The following USH2A variants were observed in gnomAD, a reference collection of about 807,000 sequenced individuals.
USH2A encodes Usher syndrome 2A (autosomal recessive, mild).
A neutral mutation model predicts 538.9 loss-of-function variants in USH2A; 443 were observed. The ratio of observed to expected loss-of-function variants is 0.82; its 90% CI spans 0.76 to 0.89. USH2A has a LOEUF of 0.89. Ranked by LOEUF, USH2A falls within the 40% of genes least tolerant of loss-of-function variation. The pLI is 0.00. For synonymous variants in USH2A, 2,413 were observed against 2,273.5 expected, an observed-to-expected ratio of 1.06 and a Z score of -1.75; for missense variants, 6,633 against 6,324.8, an observed-to-expected ratio of 1.05 and a Z score of -1.65.
intron 21 of USH2A, among the ~76,000 whole-genome samples, chr1:216,163,762 T>C (rs115624643): frequency 0.012 from 1,897 of 151,910 alleles, 36 homozygotes; most frequent in African/African-American, 0.042. Flanking sequence ...GGACCCCACC[T>C]AGACTCTAAT....
chr1:216,070,392 C>A, intron 29 of USH2A, 100 bp from the exon 30 acceptor site: 3 of 1,077,358 alleles, frequency 2.8e-6, no homozygotes, highest in Non-Finnish European at 2.8e-6. Flanking sequence ...CAGACTCAAC[C>A]ATTAGCATAA....
chr1:216,088,897 A>G (rs2032213916), intron 23 of USH2A, 116 bp downstream of exon 23: 1 of 1,484,618 alleles, frequency 6.7e-7, no homozygotes. Context: ...ACAGCAATAT[A>G]TATGGAATTG....
intron 21 of USH2A, among the ~76,000 whole-genome samples, chr1:216,144,426 C>G (rs549081438): frequency 4.6e-5 from 7 of 151,670 alleles, no homozygotes; most frequent in Middle Eastern, 6.8e-3. Flanking sequence ...TTAAACAAAA[C>G]ACATTTCAGC....
chr1:215,858,173 A>G (rs1664221932), intron 44 of USH2A, among the ~76,000 whole-genome samples: 1 of 151,926 alleles, frequency 6.6e-6, no homozygotes, highest in Non-Finnish European at 1.5e-5. Context: ...GTATATTGGG[A>G]TATATTTTCT....
At chr1:215,912,312 T>C (rs1433643578) in intron 38 of USH2A, among the ~76,000 whole-genome samples, 1 of 152,102 alleles carries the variant, frequency 6.6e-6, no homozygotes, top group African/African-American at 2.4e-5. Flanking sequence ...TGTTTTCTTG[T>C]AGTAACTTGA....
At chr1:215,736,163 C>T (rs1374866194) in intron 60 of USH2A, among the ~76,000 whole-genome samples, 2 of 152,098 alleles carry the variant, frequency 1.3e-5, no homozygotes, top group African/African-American at 2.4e-5. Flanking sequence ...GCTCACATTG[C>T]CTCTGAATAT....
intron 21 of USH2A, among the ~76,000 whole-genome samples, chr1:216,144,609 CA>C (rs2033660113): frequency 6.6e-6 from 1 of 152,142 alleles, no homozygotes; most frequent in Non-Finnish European, 1.5e-5. Flanking sequence ...AGTCAGGTAG[CA>C]GGGGATAGAA....
intron 27 of USH2A, 120 bp from the exon 28 acceptor site, chr1:216,073,420 C>T (rs1019337033): frequency 1.7e-5 from 18 of 1,051,096 alleles, no homozygotes; most frequent in Non-Finnish European, 2.5e-5. Context: ...AATTGCTAGA[C>T]TTTCGAGTCT....
intron 61 of USH2A, among the ~76,000 whole-genome samples, chr1:215,717,434 GT>G (rs1264737796): frequency 6.6e-6 from 1 of 152,134 alleles, no homozygotes; most frequent in African/African-American, 2.4e-5. Flanking sequence ...TGAGTGCTGG[GT>G]TTGGATTCAG....
At chr1:216,265,851 T>C (rs1229015320) in intron 11 of USH2A, among the ~76,000 whole-genome samples, 1 of 151,932 alleles carries the variant, frequency 6.6e-6, no homozygotes, top group African/African-American at 2.4e-5. Flanking sequence ...AACCAGTTGA[T>C]CTCATGAAAG....
At chr1:216,248,885 AGCACACTTG>A (rs368230696) in intron 12 of USH2A, among the ~76,000 whole-genome samples, 94 of 152,254 alleles carry the variant, frequency 6.2e-4, no homozygotes, top group African/African-American at 2.1e-3. Flanking sequence ...CAGGCGAGTT[AGCACACTTG>A]GCATTTAATT....
At chr1:216,145,000 A>G (rs1206586731) in intron 21 of USH2A, among the ~76,000 whole-genome samples, 1 of 152,140 alleles carries the variant, frequency 6.6e-6, no homozygotes, top group East Asian at 1.9e-4. Context: ...GCTAGGCAAG[A>G]TTCCTGGACT....
intron 64 of USH2A, among the ~76,000 whole-genome samples, chr1:215,663,464 G>C (rs1246121276): frequency 6.6e-6 from 1 of 152,236 alleles, no homozygotes; most frequent in Non-Finnish European, 1.5e-5. Context: ...CAATGTGAAA[G>C]AGCACAAGGA....
intron 47 of USH2A, among the ~76,000 whole-genome samples, chr1:215,834,032 T>C (rs1300273369): frequency 6.6e-6 from 1 of 152,072 alleles, no homozygotes; most frequent in Non-Finnish European, 1.5e-5. Context: ...AAAATGACTA[T>C]TTAAAAAATA....
At chr1:216,297,104 T>C (rs1327792462) in intron 9 of USH2A, among the ~76,000 whole-genome samples, 2 of 152,046 alleles carry the variant, frequency 1.3e-5, no homozygotes, top group Non-Finnish European at 2.9e-5. Context: ...ATCTAACTTC[T>C]GTTTCTTGAT....
chr1:216,083,171 T>A (rs1315065237), intron 26 of USH2A, among the ~76,000 whole-genome samples: 2 of 152,052 alleles, frequency 1.3e-5, no homozygotes, highest in Non-Finnish European at 2.9e-5. Context: ...AGGGAAATAG[T>A]GTTTTTCATA....
chr1:215,630,478 G>GTGTATATATATATATATATATATATATA (rs1553248434), intron 70 of USH2A, among the ~76,000 whole-genome samples: 1 of 35,170 alleles, frequency 2.8e-5, no homozygotes, highest in Non-Finnish European at 7.3e-5. Flanking sequence ...GTGTATGTGT[G>GTGTATATATATATATATATATATATATA]TGTGTATATA....
intron 9 of USH2A, among the ~76,000 whole-genome samples, chr1:216,314,823 T>C (rs529374985): frequency 6.6e-6 from 1 of 152,162 alleles, no homozygotes; most frequent in African/African-American, 2.4e-5. Flanking sequence ...GAATAAGAAG[T>C]GTTCATGGTT....
Position 216,234,960 on chromosome 1 carries a change from G to A in USH2A, c.2810-2824C>T, listed in dbSNP as rs114677517. Reference sequence around the variant, plus strand: ...AAAAGACTGCATGGGAATTTGCCTTGGGGTTAATTCCCCTCCTCCTCTCAG... The same window carrying A: ...AAAAGACTGCATGGGAATTTGCCTTAGGGTTAATTCCCCTCCTCCTCTCAG... On this transcript the variant is annotated intron_variant, in intron 13 of 71. Coordinates refer to ENST00000307340, the MANE Select transcript of USH2A (RefSeq NM_206933.4). Among the ~76,000 whole-genome samples the A allele has an allele frequency of 7.3e-3, 1,110 of 152,204 alleles. 13 individuals are homozygous for A. Among genetic ancestry groups the A allele is most frequent in the African/African-American group, 0.026 (1,079 of 41,534 alleles).
Sources: gnomAD v4.1 joint callset for allele counts (sites outside exome capture counted in the v4.1 genomes callset) on GRCh38, gnomAD v4.1.1 for gene constraint, MANE v1.5 for transcripts, NCBI Gene and HGNC (gene_info 2026-07-23, HGNC 2026-07-21) for gene names.